SYNE1: variants seen among roughly 807,000 people sequenced by gnomAD.
SYNE1 encodes spectrin repeat containing nuclear envelope protein 1, also known as nesprin-1.
A neutral mutation model predicts 1,111.0 loss-of-function variants in SYNE1; 616 were observed. That is an observed-to-expected ratio of 0.55 (90% CI 0.52 to 0.59). The LOEUF (loss-of-function observed/expected upper bound fraction) is 0.59. Among genes scored for constraint, SYNE1 ranks in the 20% least tolerant of loss-of-function variants. The probability of loss-of-function intolerance (pLI) is 0.00; values close to 1 mark genes in which losing one functional copy is unlikely to be tolerated. For missense variants in SYNE1, 10,006 were observed against 10,417.0 expected (o/e 0.96, Z 1.72); for synonymous variants, 3,855 against 3,825.8 (o/e 1.01, Z -0.28).
chr6:152,416,921 A>T lies in SYNE1; in HGVS notation c.5516T>A (p.Leu1839His), dbSNP rs2098163272. The part of the protein sequence containing the change: ...KLGSLGRAED[L>H]HLLQGKAEDC... ...CTCAGCCTTTCCCTGCAGGAGGTGG[A>T]GGTCCTCAGCACGGCCCAGAGAACC... is the stretch of plus-strand genomic sequence containing the variant. Residue 1839 changes from leucine to histidine, a missense_variant, in exon 41 of 146, where the codon CTC (leucine) becomes CAC (histidine). Transcript: ENST00000367255. The T allele has an allele frequency of 6.2e-7, 1 of 1,614,000 alleles. No individual in the cohort carries two copies. Among genetic ancestry groups the T allele is most frequent in the Non-Finnish European group, 8.5e-7 (1 of 1,180,006 alleles).
chr6:152,164,438 C>T (rs1586644613), intron 130 of SYNE1, 113 bp from the exon 131 acceptor site: 1 of 1,285,602 alleles, frequency 7.8e-7, no homozygotes, highest in East Asian at 2.4e-5. Context: ...GAGTTAGAAA[C>T]TCATGTGGAA....
At chr6:152,618,142 T>C (rs1324968155) in intron 3 of SYNE1, among the ~76,000 whole-genome samples, 2 of 152,226 alleles carry the variant, frequency 1.3e-5, no homozygotes, top group Non-Finnish European at 2.9e-5. Context: ...GTTGAATTCC[T>C]ACGTTTCTGG....
chr6:152,557,399 TA>T (rs1335871129), intron 3 of SYNE1, among the ~76,000 whole-genome samples: 1 of 151,760 alleles, frequency 6.6e-6, no homozygotes, highest in African/African-American at 2.4e-5. Flanking sequence ...AAAGCTTGTT[TA>T]AAAAAAATAA....
In SYNE1 at chr6:152,461,753, T is replaced by C. The variant is rs981154854; in HGVS notation, c.2251-13A>G. On this transcript the variant is annotated splice_polypyrimidine_tract_variant and intron_variant, in intron 20 of 145. Transcript: ENST00000367255. ...TCTGCTCAATATCCTGCATGAATCA[T>C]TGAAACAGCCAGATTCATACATGAC... 2 of 1,613,804 alleles carry C rather than the reference T, an allele frequency of 1.2e-6. No individual in the cohort carries two copies. The highest frequency in any genetic ancestry group is 2.7e-5 in the African/African-American group (2 of 74,912).
At position 152,293,687 on chromosome 6, in the gene SYNE1, G is replaced by A. The variant is rs766047440; in HGVS notation, c.17913C>T (p.Ser5971=). The change falls in exon 95 of 146, where the codon TCC becomes TCT. Residue 5971 remains serine, a synonymous_variant. Coordinates refer to ENST00000367255, the MANE Select transcript of SYNE1 (RefSeq NM_182961.4). Reference sequence around the variant, plus strand: ...CCATCTTCGTAGAGATGGACTGGAGGGAGTCCTGGTACTTCTGCTGGCGTT... The same window carrying A: ...CCATCTTCGTAGAGATGGACTGGAGAGAGTCCTGGTACTTCTGCTGGCGTT... The part of the protein sequence containing the change: ...ALERQQKYQD[S]LQSISTKMEA... 16 of 1,613,990 alleles carry A rather than the reference G, an allele frequency of 9.9e-6. No individual in the cohort carries two copies. The highest frequency in any genetic ancestry group is 1.4e-5 in the Non-Finnish European group (16 of 1,179,982).
Position 152,211,544 on chromosome 6 carries a change from T to C in SYNE1, c.22539A>G (p.Ser7513=). The C allele has an allele frequency of 6.2e-7, 1 of 1,613,940 alleles. No individual in the cohort carries two copies. Among genetic ancestry groups the C allele is most frequent in the Non-Finnish European group, 8.5e-7 (1 of 1,179,916 alleles). Residue 7513 remains serine, a synonymous_variant, in exon 124 of 146, where the codon TCA becomes TCG. Transcript: ENST00000367255. The stretch of plus-strand genomic sequence containing the variant: ...GAAGACGTTGCCCATCAATAATGAT[T>C]GAGTGCAAAATCTGCTGACGACTGA... ...EMFSRQQILH[S]IIIDGQRLLE... is the part of the protein sequence containing the mutation.
intron 100 of SYNE1, among the ~76,000 whole-genome samples, chr6:152,265,336 AATG>A (rs1388740193): frequency 6.6e-6 from 1 of 152,194 alleles, no homozygotes; most frequent in African/African-American, 2.4e-5. Flanking sequence ...AAACAGTTAA[AATG>A]AAGAACTAGA....
At position 152,442,232 on chromosome 6, in the gene SYNE1, C is replaced by T. The variant is rs779032686; in HGVS notation, c.3851G>A (p.Arg1284Gln). Residue 1284 changes from arginine (R) to glutamine (Q), a missense_variant, in exon 31 of 146, where the codon CGG (arginine) becomes CAG (glutamine). Transcript: ENST00000367255. ...CACATCTCTCTTCTTTGCTGAGATC[C>T]GCTTTGTCTTTTGCTAGAAGCATTT... is the stretch of plus-strand genomic sequence containing the variant. Reference protein sequence around the residue: ...LLLHHQQKTKRISAKKRDVQQ... With the variant: ...LLLHHQQKTKQISAKKRDVQQ... 3.1e-6 allele frequency: 5 copies of T among 1,612,992 alleles called. No individual in the cohort carries two copies. Among genetic ancestry groups the T allele is most frequent in the African/African-American group, 1.3e-5 (1 of 74,952 alleles).
intron 17 of SYNE1, 91 bp downstream of exon 17, chr6:152,465,891 G>C (rs142467232): frequency 1.0e-6 from 1 of 964,612 alleles, no homozygotes. Flanking sequence ...AAAATTCCAC[G>C]GACAGAAAGA....
At chr6:152,487,814 G>A (rs1363272282) in intron 12 of SYNE1, among the ~76,000 whole-genome samples, 7 of 152,126 alleles carry the variant, frequency 4.6e-5, no homozygotes, top group African/African-American at 1.2e-4. Context: ...GGTGGCTCAC[G>A]CCTGTAATCC....
chr6:152,346,607 G>A (rs879872932), intron 73 of SYNE1, among the ~76,000 whole-genome samples: 5 of 151,106 alleles, frequency 3.3e-5, no homozygotes, highest in Non-Finnish European at 2.9e-5. Flanking sequence ...TCAGGAGATC[G>A]AAACCATCCT....
At position 152,279,085 on chromosome 6, in the gene SYNE1, GT is replaced by G. The variant is rs775379557; in HGVS notation, c.18382-806del. Among the ~76,000 whole-genome samples the G allele has an allele frequency of 2.5e-4, 37 of 148,632 alleles. No homozygotes were observed. In the Middle Eastern group the frequency reaches 0.011, roughly 43 times the overall value. On this transcript the variant is annotated intron_variant, in intron 97 of 145. Transcript: ENST00000367255. ...TGTGTCTGGTGACTTTTAATTGTCT[GT>G]TATGGTATTAGAGGGGTCCATAAAA...
At chr6:152,523,008 G>C (rs1171634949) in intron 5 of SYNE1, among the ~76,000 whole-genome samples, 1 of 152,032 alleles carries the variant, frequency 6.6e-6, no homozygotes, top group African/African-American at 2.4e-5. Flanking sequence ...TGGGTTGTCT[G>C]TTTACTCTGA....
intron 98 of SYNE1, among the ~76,000 whole-genome samples, chr6:152,269,595 AT>A (rs2093031545): frequency 6.6e-6 from 1 of 152,192 alleles, no homozygotes; most frequent in African/African-American, 2.4e-5. Context: ...CCACAAAAAC[AT>A]AACTCAAGAT....
chr6:152,179,851 A>G (rs933464936), intron 129 of SYNE1, among the ~76,000 whole-genome samples: 1 of 151,656 alleles, frequency 6.6e-6, no homozygotes, highest in Non-Finnish European at 1.5e-5. Flanking sequence ...CGCCAGGCTA[A>G]TGTTTTGTAT....
At chr6:152,588,581 G>A (rs2099547771) in intron 3 of SYNE1, among the ~76,000 whole-genome samples, 1 of 152,190 alleles carries the variant, frequency 6.6e-6, no homozygotes, top group Non-Finnish European at 1.5e-5. Context: ...CTCTCAGCAG[G>A]TCAAGCTGCC....
At chr6:152,317,057 C>T (rs117407502) in intron 86 of SYNE1, 71 bp from the exon 87 acceptor site, 21,170 of 1,576,298 alleles carry the variant, frequency 0.013, 182 homozygotes, top group Middle Eastern at 0.022. Context: ...TCAGTCTTCT[C>T]TCTCTTTGGA....
At position 152,164,338 on chromosome 6, in the gene SYNE1, A is replaced by G. The variant is rs2063169575; in HGVS notation, c.23628-13T>C. 1 of 1,613,926 alleles carries G rather than the reference A, an allele frequency of 6.2e-7. No individual in the cohort carries two copies. The highest frequency in any genetic ancestry group is 8.5e-7 in the Non-Finnish European group (1 of 1,180,008). On this transcript the variant is annotated splice_polypyrimidine_tract_variant and intron_variant, in intron 130 of 145. Coordinates refer to ENST00000367255, the MANE Select transcript of SYNE1 (RefSeq NM_182961.4). ...CAGCTTCTTCACCCTGTGGGCAGAG[A>G]AGGGGGAATGTCCCACTTCAGCGAG...
chr6:152,218,339 T>C lies in SYNE1; in HGVS notation c.22109A>G (p.Glu7370Gly). The C allele has an allele frequency of 6.2e-7, 1 of 1,614,086 alleles. No homozygotes were observed. Among genetic ancestry groups the C allele is most frequent in the Non-Finnish European group, 8.5e-7 (1 of 1,179,980 alleles). The change falls in exon 121 of 146, where the codon GAA becomes GGA. Residue 7370 changes from glutamate (E) to glycine (G), a missense_variant. Coordinates refer to ENST00000367255, the MANE Select transcript of SYNE1 (RefSeq NM_182961.4). ...SLEALEAWIV[E>G]AEEILQGQDP... Reference sequence around the variant, plus strand: ...CTGCCCTTGTAGTATTTCTTCAGCTTCCACTATCCAGGCCTCCAAAGCTTC... The same window carrying C: ...CTGCCCTTGTAGTATTTCTTCAGCTCCCACTATCCAGGCCTCCAAAGCTTC...
Sources: allele counts gnomAD v4.1 joint callset (sites outside exome capture counted in the v4.1 genomes callset), GRCh38; gene constraint gnomAD v4.1.1; transcripts MANE v1.5; gene names NCBI Gene and HGNC (gene_info 2026-07-23, HGNC 2026-07-21).